The following KIF23 variants were observed in gnomAD, a reference collection of about 807,000 sequenced individuals.
The protein encoded by KIF23 is kinesin-like protein KIF23.
Under a neutral mutation model 137.5 loss-of-function variants are expected in KIF23, and 30 were observed. The ratio of observed to expected loss-of-function variants is 0.22; its 90% confidence interval spans 0.16 to 0.30. The LOEUF is 0.30. Ranked by LOEUF, KIF23 falls within the 10% of genes least tolerant of loss-of-function variation. The pLI, the probability that KIF23 is intolerant of heterozygous loss-of-function variation, is 1.00. For missense variants in KIF23, 920 were observed against 1,194.3 expected (o/e 0.77, Z 3.38); for synonymous variants, 367 against 391.1 (o/e 0.94, Z 0.73).
At chr15:69,423,415 AAG>A in intron 7 of KIF23, 86 bp downstream of exon 7, 1 of 814,376 alleles carries the variant, frequency 1.2e-6, no homozygotes, top group Non-Finnish European at 1.9e-6. Flanking sequence ...TCAGTTATGA[AAG>A]AGAATAATGC....
intron 1 of KIF23, 48 bp from the exon 2 acceptor site, chr15:69,415,946 G>A (rs369931528): frequency 3.8e-6 from 5 of 1,320,330 alleles, no homozygotes; most frequent in Non-Finnish European, 5.2e-6. Context: ...TTTTGTATTC[G>A]TGTTGAACTG....
At chr15:69,432,079 T>A (rs944296868) in intron 11 of KIF23, among the ~76,000 whole-genome samples, 1 of 152,094 alleles carries the variant, frequency 6.6e-6, no homozygotes. Context: ...GGCAGGAAAA[T>A]CTGAATCTAG....
At position 69,438,272 on chromosome 15, in the gene KIF23, A is replaced by T; in HGVS notation, c.1622A>T (p.Gln541Leu). Residue 541 changes from glutamine (Q) to leucine (L), a missense_variant, in exon 16 of 24, where the codon CAA becomes CTA. Around this residue, in one of 4 missense-constraint regions of KIF23, gnomAD observed 714 missense variants for 866.2 expected, o/e 0.82. Transcript: ENST00000679126. ...GCTAATGCTTTTAAAGCTTTGTTAC[A>T]AGAATTTGACAATGCTGTTTTAAGT... is the stretch of plus-strand genomic sequence containing the variant. ...KQSNAFKALL[Q>L]EFDNAVLSKE... is the part of the protein sequence containing the mutation. 2 of 1,606,798 alleles carry T rather than the reference A, an allele frequency of 1.2e-6. No homozygotes were observed. The highest frequency in any genetic ancestry group is 1.7e-6 in the Non-Finnish European group (2 of 1,178,224).
intron 3 of KIF23, 83 bp downstream of exon 3, chr15:69,417,594 C>T: frequency 7.2e-7 from 1 of 1,394,556 alleles, no homozygotes; most frequent in Admixed American, 2.2e-5. Context: ...TAACAAAGTT[C>T]ATTTGTGAGC....
rs535460722 is a variant in KIF23, at chr15:69,434,783, C to T, written c.1115-700C>T. The T allele has an allele frequency of 3.7e-6, 4 of 1,067,562 alleles. No homozygotes were observed. In the African/African-American group the frequency reaches 6.2e-5, roughly 17 times the overall value. 66.1% of individuals were successfully genotyped at this position (1,067,562 alleles called of 1,614,324 possible). A position where few individuals can be genotyped will look rare whatever the true frequency, so the allele number is the denominator to read the frequency against. ...AGGCCATAAAGCTCTTGGCCAGAGT[C>T]CAAGGCAGCCCCTTCTTCTTGCACT... is the stretch of plus-strand genomic sequence containing the variant. On this transcript the variant is annotated intron_variant, in intron 11 of 23. Transcript: ENST00000679126.
chr15:69,415,682 T>G (rs1481039921), intron 1 of KIF23, among the ~76,000 whole-genome samples: 1 of 152,226 alleles, frequency 6.6e-6, no homozygotes, highest in Admixed American at 6.5e-5. Flanking sequence ...CAGTTATAAT[T>G]TGTAGTGCCT....
At chr15:69,424,322 A>G (rs553399829) in intron 7 of KIF23, among the ~76,000 whole-genome samples, 1 of 152,304 alleles carries the variant, frequency 6.6e-6, no homozygotes, top group African/African-American at 2.4e-5. Context: ...AAATGTAAAA[A>G]TATTAACACT....
intron 11 of KIF23, chr15:69,434,599 C>T: frequency 7.8e-7 from 1 of 1,279,572 alleles, no homozygotes; most frequent in South Asian, 1.2e-5. Context: ...CTTCCAAGGT[C>T]ATGATCTTAG....
chr15:69,442,062 T>C (rs1303872635), intron 19 of KIF23, among the ~76,000 whole-genome samples: 2 of 152,014 alleles, frequency 1.3e-5, no homozygotes, highest in Non-Finnish European at 2.9e-5. Context: ...ACCAGCCAGC[T>C]TTTTTTTCAA....
chr15:69,414,440 G>T lies in KIF23; in HGVS notation c.-26G>T, dbSNP rs1171400813. 6.3e-7 allele frequency: 1 copy of T among 1,583,372 alleles called. No homozygotes were observed. Among genetic ancestry groups the T allele is most frequent in the Non-Finnish European group, 8.6e-7 (1 of 1,165,048 alleles). On this transcript the variant is annotated 5_prime_UTR_variant, in exon 1 of 24. Coordinates refer to ENST00000679126, the MANE Select transcript of KIF23 (RefSeq NM_001367805.3). Reference sequence around the variant, plus strand: ...CGCCAGCCAGCCGTCCCGCATGCGCGTTTGGGCGGCGTGGAGCCTGCTGCC... The same window carrying T: ...CGCCAGCCAGCCGTCCCGCATGCGCTTTTGGGCGGCGTGGAGCCTGCTGCC...
Position 69,422,008 on chromosome 15 carries a change from T to C in KIF23, c.333T>C (p.Tyr111=), listed in dbSNP as rs34969957. The C allele has an allele frequency of 3.1e-3, 4,993 of 1,614,042 alleles. 74 individuals are homozygous for C. In the African/African-American group the frequency reaches 0.043, roughly 14 times the overall value. The change falls in exon 5 of 24, where the codon TAT becomes TAC. Residue 111 remains tyrosine (Y), a synonymous_variant. Transcript: ENST00000679126. ...IHGKNGLLFT[Y]GVTGSGKTHT... ...ACACTGTAGGTCTTCTTTTTACATA[T>C]GGTGTGACGGGAAGTGGAAAAACTC...
rs10538305 is a variant in KIF23, at chr15:69,443,326, G to GT, written c.2422-1434dup. On this transcript the variant is annotated intron_variant, in intron 19 of 23. Coordinates refer to ENST00000679126, the MANE Select transcript of KIF23 (RefSeq NM_001367805.3). ...ATTTGCTTTCAGTTTTGTTTTTTGG[G>GT]TTTTTTTTTTTTTTTTTTTTTTTTT... is the stretch of plus-strand genomic sequence containing the variant. 8.8e-3 allele frequency among the ~76,000 whole-genome samples: 516 copies of GT among 58,604 alleles called. 63 individuals are homozygous for GT. The highest frequency in any genetic ancestry group is 0.047 in the East Asian group (90 of 1,914). 38.4% of individuals were successfully genotyped at this position (58,604 alleles called of 152,430 possible). A position where few individuals can be genotyped will look rare whatever the true frequency, so the allele number is the denominator to read the frequency against.
chr15:69,423,010 G>A, intron 6 of KIF23, 149 bp from the exon 7 acceptor site: 1 of 563,190 alleles, frequency 1.8e-6, no homozygotes, highest in Non-Finnish European at 3.1e-6. Context: ...TGTTGGCCAG[G>A]CTGGTCTTGA....
At chr15:69,439,848 T>C (rs1175341863) in intron 16 of KIF23, 56 bp from the exon 17 acceptor site, 34 of 1,331,434 alleles carry the variant, frequency 2.6e-5, no homozygotes, top group Non-Finnish European at 3.4e-5. Context: ...GACTATTTTA[T>C]AGCGACATGA....
intron 11 of KIF23, chr15:69,434,680 C>A: frequency 6.8e-7 from 1 of 1,480,174 alleles, no homozygotes; most frequent in Non-Finnish European, 9.4e-7. Context: ...TTGAGTTCGC[C>A]GTTGACCTTG....
At chr15:69,419,048 C>T (rs1282780101) in intron 3 of KIF23, among the ~76,000 whole-genome samples, 3 of 152,202 alleles carry the variant, frequency 2.0e-5, no homozygotes, top group South Asian at 2.1e-4. Context: ...ACCCAGGAGG[C>T]GGAGGTTGCA....
Position 69,448,023 on chromosome 15 carries a change from A to AC in KIF23, c.*216_*217insC. 1 of 372,626 alleles carries AC rather than the reference A, an allele frequency of 2.7e-6. No individual in the cohort carries two copies. 23.1% of individuals were successfully genotyped at this position (372,626 alleles called of 1,614,324 possible). A position where few individuals can be genotyped will look rare whatever the true frequency, so the allele number is the denominator to read the frequency against. On this transcript the variant is annotated 3_prime_UTR_variant, in exon 24 of 24. Coordinates refer to ENST00000679126, the MANE Select transcript of KIF23 (RefSeq NM_001367805.3). Reference sequence around the variant, plus strand: ...AACCTTGTATAGTATATGTTTTGCCATATTTAATATTAATAGCAGAGGAAG... The same window carrying AC: ...AACCTTGTATAGTATATGTTTTGCCACTATTTAATATTAATAGCAGAGGAAG...
chr15:69,438,966 T>C (rs1419924171), intron 16 of KIF23, among the ~76,000 whole-genome samples: 1 of 151,686 alleles, frequency 6.6e-6, no homozygotes, highest in East Asian at 1.9e-4. Context: ...GGCATGGTGG[T>C]ACATGTCTGT....
intron 3 of KIF23, among the ~76,000 whole-genome samples, chr15:69,421,265 G>A (rs2057047920): frequency 6.6e-6 from 1 of 152,140 alleles, no homozygotes; most frequent in Admixed American, 6.5e-5. Flanking sequence ...GCACGTGCCT[G>A]TAATTCCAGC....
Sources: allele counts gnomAD v4.1 joint callset (sites outside exome capture counted in the v4.1 genomes callset), GRCh38; gene constraint gnomAD v4.1.1; regional missense constraint gnomAD v4.1.1; transcripts MANE v1.5; gene names NCBI Gene and HGNC (gene_info 2026-07-23, HGNC 2026-07-21).